Variants in ENAH observed in about 807,000 individuals in gnomAD.
ENAH encodes protein enabled homolog.
A neutral mutation model predicts 78.7 loss-of-function variants in ENAH; 23 were observed. That is an observed-to-expected ratio of 0.29 (90% CI 0.21 to 0.41). The LOEUF (loss-of-function observed/expected upper bound fraction) is 0.41, where lower values mean the gene tolerates loss of function less well. ENAH is among the 10% of genes least tolerant of loss of function. The pLI is 1.00. For missense variants in ENAH, 544 were observed against 691.0 expected, an observed-to-expected ratio of 0.79 and a Z score of 2.39; for synonymous variants, 226 against 241.0, an observed-to-expected ratio of 0.94 and a Z score of 0.58.
At chr1:225,501,212 T>C in intron 11 of ENAH, 142 bp from the exon 12 acceptor site, 2 of 587,838 alleles carry the variant, frequency 3.4e-6, no homozygotes, top group Admixed American at 3.2e-5. Context: ...ATTATCAAAA[T>C]TGTAGGGCTG....
Position 225,497,471 on chromosome 1 carries a change from T to C in ENAH, c.*304A>G, listed in dbSNP as rs1188785263. ...TTATCTTGATATGAAAATATTTCAA[T>C]GCGTGGTGATCTTGCCTGATGGGTT... On this transcript the variant is annotated 3_prime_UTR_variant, in exon 14 of 14. Coordinates refer to ENST00000366843, the MANE Select transcript of ENAH (RefSeq NM_018212.6). 9.3e-6 allele frequency: 2 copies of C among 214,508 alleles called. No homozygotes were observed. The highest frequency in any genetic ancestry group is 1.8e-5 in the Non-Finnish European group (2 of 108,356). The allele number at this position is 214,508 out of a possible 1,614,324, so 13.3% of individuals were successfully genotyped here.
At chr1:225,645,157 G>A (rs887802493) in intron 1 of ENAH, among the ~76,000 whole-genome samples, 4 of 152,146 alleles carry the variant, frequency 2.6e-5, no homozygotes, top group South Asian at 2.1e-4. Flanking sequence ...TAAATAGCAC[G>A]AAGATGTCAA....
At chr1:225,612,616 A>C (rs1028757338) in intron 1 of ENAH, among the ~76,000 whole-genome samples, 10 of 152,220 alleles carry the variant, frequency 6.6e-5, no homozygotes, top group Admixed American at 2.6e-4. Context: ...CAGCAAAAAA[A>C]ATTTTCAAAA....
At chr1:225,524,679 GTTCCA>G in intron 4 of ENAH, 1 of 103,412 alleles carries the variant, frequency 9.7e-6, no homozygotes, top group Non-Finnish European at 1.7e-5. Context: ...TTCCAACATT[GTTCCA>G]ACTGCTCAGT....
rs1659382819 is a variant in ENAH, at chr1:225,633,027, G to A, written c.5+19659C>T. On this transcript the variant is annotated intron_variant, in intron 1 of 13. Coordinates refer to ENST00000366843, the MANE Select transcript of ENAH (RefSeq NM_018212.6). The stretch of plus-strand genomic sequence containing the variant: ...GCATGTTAGTTCTGTTCCTTAAACT[G>A]TCACTCAAAGTCTTTTTTTTTTTTT... Among the ~76,000 whole-genome samples, 4 of 150,648 alleles carry A rather than the reference G, an allele frequency of 2.7e-5. No homozygotes were observed. The South Asian group carries it at 8.3e-4, about 31-fold the overall frequency.
chr1:225,606,971 G>A (rs949494644), intron 1 of ENAH, among the ~76,000 whole-genome samples: 1 of 151,588 alleles, frequency 6.6e-6, no homozygotes, highest in Non-Finnish European at 1.5e-5. Context: ...GCAGCTGAGA[G>A]TGCCAGGCAC....
chr1:225,650,705 C>T (rs1395916386), intron 1 of ENAH, among the ~76,000 whole-genome samples: 1 of 151,730 alleles, frequency 6.6e-6, no homozygotes, highest in Non-Finnish European at 1.5e-5. Flanking sequence ...AAAAAATTAG[C>T]CGGGCGTGGT....
At chr1:225,556,515 C>T (rs542084767) in intron 2 of ENAH, among the ~76,000 whole-genome samples, 4 of 152,128 alleles carry the variant, frequency 2.6e-5, no homozygotes, top group Non-Finnish European at 4.4e-5. Flanking sequence ...AGTCTCTTGT[C>T]CATTTTTCTC....
chr1:225,569,133 A>T (rs1232391980), intron 1 of ENAH, among the ~76,000 whole-genome samples: 1 of 152,276 alleles, frequency 6.6e-6, no homozygotes, highest in Admixed American at 6.5e-5. Context: ...CCCTATGGAA[A>T]GATTACATGA....
At chr1:225,584,611 C>T (rs1340265618) in intron 1 of ENAH, among the ~76,000 whole-genome samples, 1 of 152,010 alleles carries the variant, frequency 6.6e-6, no homozygotes, top group Non-Finnish European at 1.5e-5. Flanking sequence ...AAAAGGCAGA[C>T]ATTAGATAAT....
chr1:225,566,224 G>T (rs929476244), intron 2 of ENAH, among the ~76,000 whole-genome samples: 8 of 151,990 alleles, frequency 5.3e-5, no homozygotes, highest in African/African-American at 1.4e-4. Flanking sequence ...TTTCTACGGG[G>T]TGTAGCCCCT....
At position 225,492,021 on chromosome 1, in the gene ENAH, GCT is replaced by G. The variant is rs1173189102; in HGVS notation, c.*5752_*5753del. The G allele has an allele frequency of 6.6e-6, 1 of 151,920 alleles. No homozygotes were observed. Among genetic ancestry groups the G allele is most frequent in the Non-Finnish European group, 1.5e-5 (1 of 67,994 alleles). 9.4% of individuals were successfully genotyped at this position (151,920 alleles called of 1,614,324 possible). ...GAATAAATGTAGTCTAACAAACTGG[GCT>G]CTCTAATGAAATATGTAAGCTTTTC... On this transcript the variant is annotated 3_prime_UTR_variant, in exon 14 of 14. Coordinates refer to ENST00000366843, the MANE Select transcript of ENAH (RefSeq NM_018212.6).
Position 225,514,694 on chromosome 1 carries a change from C to A in ENAH, c.1120G>T (p.Ala374Ser). 6.3e-7 allele frequency: 1 copy of A among 1,580,994 alleles called. No homozygotes were observed. Among genetic ancestry groups the A allele is most frequent in the Non-Finnish European group, 8.6e-7 (1 of 1,161,412 alleles). Residue 374 changes from alanine (A) to serine (S), a missense_variant, in exon 7 of 14, where the codon GCA (alanine) becomes TCA (serine). Transcript: ENST00000366843. ...ATGGATGCCAAAAAGAATCCAGATG[C>A]AGGGAGGGGTGGGGCAGGAGGTGGT... is the stretch of plus-strand genomic sequence containing the variant. ...PPPPPAPPLPASGFFLASMSE... is the reference protein window; with the variant it reads ...PPPPPAPPLPSSGFFLASMSE...
intron 10 of ENAH, among the ~76,000 whole-genome samples, chr1:225,509,171 C>T (rs2096357296): frequency 1.3e-5 from 2 of 152,074 alleles, no homozygotes; most frequent in African/African-American, 2.4e-5. Flanking sequence ...ATCAAATAAT[C>T]GGATGGGGTT....
intron 1 of ENAH, among the ~76,000 whole-genome samples, chr1:225,601,527 A>G (rs534475021): frequency 1.3e-5 from 2 of 151,714 alleles, no homozygotes; most frequent in Non-Finnish European, 2.9e-5. Flanking sequence ...CCCCGCCAAA[A>G]AAAAAAAAAA....
intron 4 of ENAH, among the ~76,000 whole-genome samples, chr1:225,524,047 A>G (rs796415273): frequency 6.6e-6 from 1 of 152,184 alleles, no homozygotes; most frequent in Non-Finnish European, 1.5e-5. Context: ...CTGAGAATAT[A>G]AATTTTTTTC....
rs1281035458 is a variant in ENAH at position 225,495,186 on chromosome 1, G to A, written c.*2589C>T. 1 of 152,532 alleles carries A rather than the reference G, an allele frequency of 6.6e-6. No individual in the cohort carries two copies. The highest frequency in any genetic ancestry group is 1.5e-5 in the Non-Finnish European group (1 of 68,014). 9.4% of individuals were successfully genotyped at this position (152,532 alleles called of 1,614,324 possible). ...GTGTTGAGGAAAGCAGTGCCTTCCT[G>A]TCATTAGAAAGGATCCCCTAAACTG... On this transcript the variant is annotated 3_prime_UTR_variant, in exon 14 of 14. Transcript: ENST00000366843.
intron 1 of ENAH, chr1:225,581,425 AAGATGGAGTGGG>A (rs1381688182): frequency 3.1e-5 from 8 of 256,496 alleles, no homozygotes; most frequent in Non-Finnish European, 4.9e-5. Context: ...AACGGGATGA[AAGATGGAGTGGG>A]AGTGGAGGGT....
At chr1:225,625,615 T>G (rs1370668481) in intron 1 of ENAH, among the ~76,000 whole-genome samples, 1 of 152,118 alleles carries the variant, frequency 6.6e-6, no homozygotes, top group Non-Finnish European at 1.5e-5. Context: ...CTCCACCTCC[T>G]GGGTTCAAGC....
Sources: allele counts gnomAD v4.1 joint callset (sites outside exome capture counted in the v4.1 genomes callset), GRCh38; gene constraint gnomAD v4.1.1; transcripts MANE v1.5; gene names NCBI Gene and HGNC (gene_info 2026-07-23, HGNC 2026-07-21).